GLG1: variants seen among roughly 807,000 people sequenced by gnomAD.
The protein encoded by GLG1 is golgi glycoprotein 1.
GLG1 carries 38 observed loss-of-function variants against 160.5 expected under a neutral mutation model. The observed-to-expected ratio is 0.24, with a 90% CI of 0.18 to 0.31. The LOEUF is 0.31. Among genes scored for constraint, GLG1 ranks in the 10% least tolerant of loss-of-function variants. The pLI is 1.00. For missense variants in GLG1, 1,373 were observed against 1,505.2 expected (o/e 0.91, Z 1.45); for synonymous variants, 644 against 543.4 (o/e 1.19, Z -2.57).
In GLG1 at chr16:74,470,183, A is replaced by G. The variant is rs1011778648; in HGVS notation, c.2230-110T>C. 2.7e-5 allele frequency: 20 copies of G among 732,660 alleles called. No individual in the cohort carries two copies. The Admixed American group carries it at 3.3e-4, about 12-fold the overall frequency. 45.4% of individuals were successfully genotyped at this position (732,660 alleles called of 1,614,324 possible). On this transcript the variant is annotated intron_variant, in intron 15 of 25. Coordinates refer to ENST00000422840, the MANE Select transcript of GLG1 (RefSeq NM_001145667.2). ...CACAAGCCTGTTTACAAGACCCTGCATGGCTTGACCCACACGTGAGACATC... is the reference window on the plus strand; with the variant it reads ...CACAAGCCTGTTTACAAGACCCTGCGTGGCTTGACCCACACGTGAGACATC...
chr16:74,483,460 G>A (rs1388598913), intron 9 of GLG1, among the ~76,000 whole-genome samples: 1 of 152,144 alleles, frequency 6.6e-6, no homozygotes, highest in Non-Finnish European at 1.5e-5. Context: ...CTGTGGCCAA[G>A]TCTGTTTTAA....
At chr16:74,599,040 T>C (rs1958375624) in intron 1 of GLG1, among the ~76,000 whole-genome samples, 2 of 152,138 alleles carry the variant, frequency 1.3e-5, no homozygotes, top group Admixed American at 6.6e-5. Context: ...AAGTATTTTA[T>C]TTCCTTCTAC....
At chr16:74,597,716 T>C (rs968707327) in intron 1 of GLG1, among the ~76,000 whole-genome samples, 1 of 151,932 alleles carries the variant, frequency 6.6e-6, no homozygotes, top group Non-Finnish European at 1.5e-5. Context: ...TAGCCGGGCA[T>C]GGTGGCGGGC....
chr16:74,458,152 G>A, intron 23 of GLG1, 158 bp from the exon 24 acceptor site: 1 of 594,674 alleles, frequency 1.7e-6, no homozygotes, highest in Non-Finnish European at 3.0e-6. Context: ...ATGATGTACA[G>A]AATGCAGAAT....
chr16:74,502,656 G>A (rs552343778), intron 4 of GLG1, among the ~76,000 whole-genome samples: 264 of 149,856 alleles, frequency 1.8e-3, no homozygotes, highest in Non-Finnish European at 3.2e-3. Context: ...CCTTTCTTCT[G>A]CCTCAGCCTC....
intron 17 of GLG1, chr16:74,468,352 C>T (rs2015076815): frequency 1.3e-5 from 2 of 151,922 alleles, no homozygotes; most frequent in Admixed American, 1.3e-4. Flanking sequence ...TCTCCTGCCT[C>T]AGTCTCTCAA....
At chr16:74,564,046 T>G (rs1255843375) in intron 1 of GLG1, among the ~76,000 whole-genome samples, 1 of 152,172 alleles carries the variant, frequency 6.6e-6, no homozygotes, top group East Asian at 1.9e-4. Context: ...CCCAGCCTCC[T>G]GAGTAGTGGA....
chr16:74,512,259 G>C (rs1207037013), intron 2 of GLG1, among the ~76,000 whole-genome samples: 2 of 145,394 alleles, frequency 1.4e-5, no homozygotes, highest in Non-Finnish European at 3.0e-5. Context: ...GGGTGACAGA[G>C]CGAGAATCCA....
At chr16:74,554,974 C>A (rs1026562524) in intron 1 of GLG1, among the ~76,000 whole-genome samples, 7 of 152,284 alleles carry the variant, frequency 4.6e-5, no homozygotes, top group African/African-American at 1.4e-4. Flanking sequence ...TATAATCTCA[C>A]CACTGCCCTC....
At chr16:74,535,074 T>C (rs769229006) in intron 1 of GLG1, among the ~76,000 whole-genome samples, 4 of 152,120 alleles carry the variant, frequency 2.6e-5, no homozygotes, top group Non-Finnish European at 5.9e-5. Context: ...AGACCTGAAC[T>C]TAACCCTCAA....
chr16:74,516,366 C>T (rs369387112), intron 2 of GLG1, among the ~76,000 whole-genome samples: 1 of 151,772 alleles, frequency 6.6e-6, no homozygotes, highest in African/African-American at 2.4e-5. Context: ...TCTCAGACCA[C>T]AGTGCAATCA....
chr16:74,533,486 G>A (rs937719055), intron 1 of GLG1, among the ~76,000 whole-genome samples: 2 of 151,864 alleles, frequency 1.3e-5, no homozygotes, highest in African/African-American at 4.8e-5. Context: ...ACCATAAGGC[G>A]GCACCATTTC....
intron 1 of GLG1, among the ~76,000 whole-genome samples, chr16:74,593,833 A>T (rs1958241224): frequency 6.6e-6 from 1 of 152,162 alleles, no homozygotes; most frequent in Non-Finnish European, 1.5e-5. Context: ...CTCCTGGTTA[A>T]TTTTACTCAT....
Position 74,450,034 on chromosome 16 carries a change from C to G in GLG1, c.*3133G>C, listed in dbSNP as rs1435773288. 6.6e-6 allele frequency: 1 copy of G among 152,358 alleles called. No homozygotes were observed. The highest frequency in any genetic ancestry group is 1.5e-5 in the Non-Finnish European group (1 of 68,174). 9.4% of individuals were successfully genotyped at this position (152,358 alleles called of 1,614,324 possible). A position where few individuals can be genotyped will look rare whatever the true frequency, so the allele number is the denominator to read the frequency against. On this transcript the variant is annotated 3_prime_UTR_variant, in exon 26 of 26. Coordinates refer to ENST00000422840, the MANE Select transcript of GLG1 (RefSeq NM_001145667.2). ...AGCCTCCAGCCTGGCAGTCCGGGCTCCAGGTACCTCTAGAGGGCTGTGGCG... is the reference window on the plus strand; with the variant it reads ...AGCCTCCAGCCTGGCAGTCCGGGCTGCAGGTACCTCTAGAGGGCTGTGGCG...
chr16:74,490,537 G>A (rs2015944279), intron 8 of GLG1, among the ~76,000 whole-genome samples: 1 of 152,172 alleles, frequency 6.6e-6, no homozygotes, highest in South Asian at 2.1e-4. Flanking sequence ...CATGCCATGC[G>A]GTAAATTAGT....
At chr16:74,473,436 C>CA (rs1398094170) in intron 13 of GLG1, among the ~76,000 whole-genome samples, 5 of 60,508 alleles carry the variant, frequency 8.3e-5, no homozygotes, top group Non-Finnish European at 1.7e-4. Context: ...ATGGTCTTGA[C>CA]CTTTTTTTTT....
chr16:74,451,937 CAGAA>C lies in GLG1; in HGVS notation c.*1226_*1229del. 1.3e-6 allele frequency: 1 copy of C among 784,808 alleles called. No homozygotes were observed. The highest frequency in any genetic ancestry group is 2.2e-6 in the Non-Finnish European group (1 of 456,624). 48.6% of individuals were successfully genotyped at this position (784,808 alleles called of 1,614,324 possible). A position where few individuals can be genotyped will look rare whatever the true frequency, so the allele number is the denominator to read the frequency against. ...AGAGTGGGTACACGCAGCAAATGGACAGAAAGAAAAAAAACAGAGCAAATCCTCC... is the reference window on the plus strand; with the variant it reads ...AGAGTGGGTACACGCAGCAAATGGACAGAAAAAAAACAGAGCAAATCCTCC... On this transcript the variant is annotated 3_prime_UTR_variant, in exon 26 of 26. Coordinates refer to ENST00000422840, the MANE Select transcript of GLG1 (RefSeq NM_001145667.2).
At chr16:74,523,825 G>C (rs952266684) in intron 2 of GLG1, among the ~76,000 whole-genome samples, 40 of 151,972 alleles carry the variant, frequency 2.6e-4, no homozygotes, top group Admixed American at 1.8e-3. Flanking sequence ...GTACTTGCTG[G>C]TCCATTTATA....
At chr16:74,490,210 T>A (rs769531292) in intron 8 of GLG1, among the ~76,000 whole-genome samples, 15 of 152,312 alleles carry the variant, frequency 9.8e-5, no homozygotes, top group Non-Finnish European at 2.1e-4. Context: ...ATGAAAGGGA[T>A]GTACTAAATC....
Sources: gnomAD v4.1 joint callset for allele counts (sites outside exome capture counted in the v4.1 genomes callset) on GRCh38, gnomAD v4.1.1 for gene constraint, MANE v1.5 for transcripts, NCBI Gene and HGNC (gene_info 2026-07-23, HGNC 2026-07-21) for gene names.